The following GNAL variants were observed in gnomAD, a reference collection of about 807,000 sequenced individuals.
The protein encoded by GNAL is G protein subunit alpha L.
Under a neutral mutation model 55.1 loss-of-function variants are expected in GNAL, and 18 were observed. That is an observed-to-expected ratio of 0.33 (90% CI 0.23 to 0.48). GNAL has a LOEUF of 0.48. Among genes scored for constraint, GNAL ranks in the 20% least tolerant of loss-of-function variants. The pLI, the probability that GNAL is intolerant of heterozygous loss-of-function variation, is 0.99. For missense variants in GNAL, 412 were observed against 614.1 expected (o/e 0.67, Z 3.48); for synonymous variants, 253 against 237.0 (o/e 1.07, Z -0.62).
At chr18:11,866,589 A>AC (rs1420393072) in intron 7 of GNAL, among the ~76,000 whole-genome samples, 1 of 150,458 alleles carries the variant, frequency 6.6e-6, no homozygotes, top group African/African-American at 2.5e-5. Flanking sequence ...GCTGAGCGAG[A>AC]CCGGGAAGCA....
In GNAL at chr18:11,756,868, C is replaced by G. The variant is rs139761775; in HGVS notation, c.624+2923C>G. 6.9e-3 allele frequency among the ~76,000 whole-genome samples: 1,046 copies of G among 152,164 alleles called. 8 individuals are homozygous for G. Among genetic ancestry groups the G allele is most frequent in the African/African-American group, 0.024 (993 of 41,510 alleles). ...TCAAGTATTTTAATAGTAAACAAAA[C>G]ACTGTTTTACTCAGTCCAGTACTTT... On this transcript the variant is annotated intron_variant, in intron 4 of 11. Transcript: ENST00000334049.
chr18:11,851,753 C>T, intron 5 of GNAL: 1 of 1,613,944 alleles, frequency 6.2e-7, no homozygotes, highest in East Asian at 2.2e-5. Context: ...AGGGTCCAGA[C>T]GGCGGTGACG....
chr18:11,844,415 C>G (rs1352114677), intron 5 of GNAL, among the ~76,000 whole-genome samples: 1 of 152,176 alleles, frequency 6.6e-6, no homozygotes, highest in Non-Finnish European at 1.5e-5. Context: ...ACCTGGGTGA[C>G]AAGAGCGAAA....
rs79655466 is a variant in GNAL, at chr18:11,694,468, G to A, written c.376+4529G>A. 1.5e-3 allele frequency among the ~76,000 whole-genome samples: 236 copies of A among 152,314 alleles called. 1 individual carries two copies. The highest frequency in any genetic ancestry group is 4.5e-3 in the African/African-American group (188 of 41,560). Reference sequence around the variant, plus strand: ...TGTGACTATGAGGAGATATGCTCCCGTTTTAATTTTTAGATGGAGCATGGT... The same window carrying A: ...TGTGACTATGAGGAGATATGCTCCCATTTTAATTTTTAGATGGAGCATGGT... On this transcript the variant is annotated intron_variant, in intron 1 of 11. Transcript: ENST00000334049.
At chr18:11,745,221 G>T (rs1418333077) in intron 1 of GNAL, among the ~76,000 whole-genome samples, 1 of 152,142 alleles carries the variant, frequency 6.6e-6, no homozygotes, top group African/African-American at 2.4e-5. Context: ...GGCCTGTCGT[G>T]AACTGAAACA....
chr18:11,701,913 A>T (rs538387361), intron 1 of GNAL, among the ~76,000 whole-genome samples: 2 of 152,066 alleles, frequency 1.3e-5, no homozygotes, highest in African/African-American at 2.4e-5. Context: ...GAAGGTGGAG[A>T]TTGTCTGTAA....
chr18:11,792,120 A>G (rs2034255083), intron 4 of GNAL, among the ~76,000 whole-genome samples: 1 of 151,914 alleles, frequency 6.6e-6, no homozygotes, highest in Non-Finnish European at 1.5e-5. Flanking sequence ...TTGGCACCAT[A>G]GCTTTGGTCA....
At chr18:11,695,150 G>A (rs989115601) in intron 1 of GNAL, among the ~76,000 whole-genome samples, 1 of 152,190 alleles carries the variant, frequency 6.6e-6, no homozygotes, top group African/African-American at 2.4e-5. Context: ...GTCTAAAAGG[G>A]ACAGCTGCAT....
chr18:11,791,237 A>G lies in GNAL; in HGVS notation c.625-33681A>G, dbSNP rs984593448. ...CCTAGTGAAGGTTTCCATGAAAGTA[A>G]TGTTGAAACTCTGAAGGAAGCAACT... is the stretch of plus-strand genomic sequence containing the variant. On this transcript the variant is annotated intron_variant, in intron 4 of 11. Coordinates refer to ENST00000334049, the MANE Select transcript of GNAL (RefSeq NM_182978.4). Among the ~76,000 whole-genome samples, 14 of 152,338 alleles carry G rather than the reference A, an allele frequency of 9.2e-5. No homozygotes were observed. The East Asian group carries it at 2.3e-3, about 25-fold the overall frequency.
At chr18:11,876,771 A>T in intron 11 of GNAL, 83 bp downstream of exon 11, 1 of 802,270 alleles carries the variant, frequency 1.2e-6, no homozygotes, top group Non-Finnish European at 2.3e-6. Context: ...CTCCTTGATG[A>T]TCTCATTTAA....
chr18:11,817,346 G>T (rs1011847721), intron 4 of GNAL, among the ~76,000 whole-genome samples: 8 of 152,192 alleles, frequency 5.3e-5, no homozygotes, highest in Non-Finnish European at 8.8e-5. Context: ...GTTTTATGAA[G>T]TATTCTCGAT....
intron 4 of GNAL, among the ~76,000 whole-genome samples, chr18:11,762,690 G>A (rs920863369): frequency 5.3e-5 from 8 of 152,202 alleles, no homozygotes; most frequent in African/African-American, 1.9e-4. Flanking sequence ...CAAGGGGCCT[G>A]GGCTTCCTCC....
chr18:11,828,720 G>C (rs1282999804), intron 5 of GNAL, among the ~76,000 whole-genome samples: 1 of 151,916 alleles, frequency 6.6e-6, no homozygotes, highest in Non-Finnish European at 1.5e-5. Flanking sequence ...TTAATAATTT[G>C]ATTTAAAATA....
At chr18:11,857,946 G>A (rs1285109600) in intron 5 of GNAL, among the ~76,000 whole-genome samples, 1 of 152,088 alleles carries the variant, frequency 6.6e-6, no homozygotes, top group African/African-American at 2.4e-5. Context: ...TACTTGCCTT[G>A]ACAGATTTCC....
At position 11,715,185 on chromosome 18, in the gene GNAL, C is replaced by T. The variant is rs142154063; in HGVS notation, c.376+25246C>T. 4.1e-3 allele frequency among the ~76,000 whole-genome samples: 625 copies of T among 151,100 alleles called. 2 individuals are homozygous for T. The highest frequency in any genetic ancestry group is 0.014 in the African/African-American group (581 of 41,166). On this transcript the variant is annotated intron_variant, in intron 1 of 11. Transcript: ENST00000334049. ...GAAAAGAAAAGATAACAAGGCCGGG[C>T]GCGGTGGCTCACGCCTGTAATCCCA... is the stretch of plus-strand genomic sequence containing the variant.
intron 5 of GNAL, among the ~76,000 whole-genome samples, chr18:11,839,268 G>GT (rs758177673): frequency 3.9e-5 from 6 of 151,978 alleles, no homozygotes; most frequent in Non-Finnish European, 7.4e-5. Flanking sequence ...TTTTGGCTGG[G>GT]TACAGTGGCT....
chr18:11,819,146 G>C (rs2035030853), intron 4 of GNAL, among the ~76,000 whole-genome samples: 1 of 152,226 alleles, frequency 6.6e-6, no homozygotes, highest in African/African-American at 2.4e-5. Context: ...TCATTTGACT[G>C]TGTTATATTA....
Position 11,880,129 on chromosome 18 carries a change from C to CGT in GNAL, c.1231-859_1231-858insTG, listed in dbSNP as rs1567908526. Reference sequence around the variant, plus strand: ...AAAAGTAGCCAGGCGTGGTGGCGCACGCCTGTAATCCCAGCTACTCAGGAG... The same window carrying CGT: ...AAAAGTAGCCAGGCGTGGTGGCGCACGTGCCTGTAATCCCAGCTACTCAGGAG... On this transcript the variant is annotated intron_variant, in intron 11 of 11. Coordinates refer to ENST00000334049, the MANE Select transcript of GNAL (RefSeq NM_182978.4). Among the ~76,000 whole-genome samples the CGT allele has an allele frequency of 6.1e-5, 9 of 146,562 alleles. 2 individuals are homozygous for CGT. The East Asian group carries it at 1.7e-3, about 28-fold the overall frequency.
chr18:11,732,710 AC>A (rs1186860734), intron 1 of GNAL, among the ~76,000 whole-genome samples: 16 of 152,266 alleles, frequency 1.1e-4, no homozygotes, highest in African/African-American at 3.9e-4. Flanking sequence ...GATCTTCCCA[AC>A]ATTTACAAAT....
Sources: allele counts gnomAD v4.1 joint callset (sites outside exome capture counted in the v4.1 genomes callset), GRCh38; gene constraint gnomAD v4.1.1; transcripts MANE v1.5; gene names NCBI Gene and HGNC (gene_info 2026-07-23, HGNC 2026-07-21).